LNX1: variants seen among roughly 807,000 people sequenced by gnomAD.
LNX1 encodes the protein ligand of numb-protein X 1.
A neutral mutation model predicts 68.4 loss-of-function variants in LNX1; 54 were observed. The observed-to-expected ratio is 0.79, with a 90% CI of 0.63 to 0.99. The LOEUF is 0.99. LNX1 is among the 50% of genes least tolerant of loss of function. LNX1 has a pLI of 0.00. For missense variants in LNX1, 906 were observed against 926.4 expected, an observed-to-expected ratio of 0.98 and a Z score of 0.29; for synonymous variants, 336 against 350.0, an observed-to-expected ratio of 0.96 and a Z score of 0.45.
At chr4:53,535,321 T>C (rs1728293700) in intron 2 of LNX1, among the ~76,000 whole-genome samples, 1 of 152,204 alleles carries the variant, frequency 6.6e-6, no homozygotes, top group Non-Finnish European at 1.5e-5. Flanking sequence ...AATTTTACCG[T>C]AGTCATTATC....
chr4:53,606,486 CAAA>C (rs34922679), intron 2 of LNX1, among the ~76,000 whole-genome samples: 40 of 150,706 alleles, frequency 2.7e-4, no homozygotes, highest in African/African-American at 9.3e-4. Flanking sequence ...AAAAAACAAA[CAAA>C]AAAAAAACAG....
At position 53,476,929 on chromosome 4, in the gene LNX1, A is replaced by G. The variant is rs542610113; in HGVS notation, c.1716T>C (p.Ser572=). 344 of 1,614,072 alleles carry G rather than the reference A, an allele frequency of 2.1e-4. 7 individuals carry two copies. In the South Asian group the frequency reaches 3.5e-3, roughly 16 times the overall value. ...DGVELTEVSR[S]EAVALLKRTS... ...TTCTTTTCAATAATGCCACTGCCTC[A>G]CTCCGGCTGACCTCTGTCAGTTCGA... is the stretch of plus-strand genomic sequence containing the variant. The change falls in exon 9 of 11, where the codon AGT becomes AGC. Residue 572 remains serine, a synonymous_variant. Transcript: ENST00000263925.
Position 53,507,973 on chromosome 4 carries a change from C to A in LNX1, c.622+13G>T. On this transcript the variant is annotated intron_variant, in intron 3 of 10. Transcript: ENST00000263925. The stretch of plus-strand genomic sequence containing the variant: ...AAGGAGCCCATTCCCGGACAACCAC[C>A]CATTTGACTCACCCCTAGTTCGGTT... 3 of 1,606,700 alleles carry A rather than the reference C, an allele frequency of 1.9e-6. No homozygotes were observed. The highest frequency in any genetic ancestry group is 2.6e-6 in the Non-Finnish European group (3 of 1,173,858).
At chr4:53,511,972 A>G (rs1241947865) in intron 2 of LNX1, among the ~76,000 whole-genome samples, 1 of 152,138 alleles carries the variant, frequency 6.6e-6, no homozygotes, top group Non-Finnish European at 1.5e-5. Flanking sequence ...GATCTCTCCA[A>G]CTTTCTGTAA....
At chr4:53,624,020 C>T (rs1170038593) in intron 1 of LNX1, among the ~76,000 whole-genome samples, 2 of 152,092 alleles carry the variant, frequency 1.3e-5, no homozygotes, top group African/African-American at 4.8e-5. Context: ...TTCATGTAAC[C>T]CAAGCTCTTA....
rs1731101426 is a variant in LNX1 at position 53,570,793 on chromosome 4, T to C, written c.380+2830A>G. 2.0e-5 allele frequency among the ~76,000 whole-genome samples: 3 copies of C among 151,294 alleles called. No homozygotes were observed. The South Asian group carries it at 6.2e-4, about 31-fold the overall frequency. On this transcript the variant is annotated intron_variant, in intron 2 of 10. Transcript: ENST00000263925. Reference sequence around the variant, plus strand: ...CTGTAATCCCAGCACTTTGGGAGGCTGAGGCGGGCGGATCACGAGGTCAGG... The same window carrying C: ...CTGTAATCCCAGCACTTTGGGAGGCCGAGGCGGGCGGATCACGAGGTCAGG...
chr4:53,479,345 TAG>T (rs1560618118), intron 7 of LNX1, among the ~76,000 whole-genome samples: 4 of 152,384 alleles, frequency 2.6e-5, no homozygotes, highest in Middle Eastern at 3.4e-3. Flanking sequence ...CCATATTTTA[TAG>T]AGTCTTCTTT....
intron 1 of LNX1, among the ~76,000 whole-genome samples, chr4:53,625,449 A>G (rs1208151281): frequency 6.6e-6 from 1 of 152,186 alleles, no homozygotes. Context: ...CAAAGGGTCA[A>G]TAAGCACATG....
At chr4:53,545,846 C>T (rs1246693731) in intron 2 of LNX1, among the ~76,000 whole-genome samples, 15 of 139,874 alleles carry the variant, frequency 1.1e-4, no homozygotes, top group African/African-American at 3.0e-4. Flanking sequence ...CTTACTCTGT[C>T]GCCCAGGCTG....
At chr4:53,612,340 A>G (rs1577794612) in intron 2 of LNX1, among the ~76,000 whole-genome samples, 1 of 152,356 alleles carries the variant, frequency 6.6e-6, no homozygotes, top group Non-Finnish European at 1.5e-5. Context: ...TTTAAAATAC[A>G]GACAGTCTTT....
intron 1 of LNX1, among the ~76,000 whole-genome samples, chr4:53,590,600 C>A (rs991967310): frequency 6.6e-6 from 1 of 152,154 alleles, no homozygotes; most frequent in African/African-American, 2.4e-5. Context: ...GGCAGAACAA[C>A]TTCCTCGGTA....
chr4:53,608,125 G>C (rs557918467), intron 2 of LNX1, among the ~76,000 whole-genome samples: 21 of 151,664 alleles, frequency 1.4e-4, no homozygotes, highest in Non-Finnish European at 2.4e-4. Context: ...ATGGGACCTA[G>C]TTAAACTAAT....
chr4:53,546,112 C>T (rs1003199894), intron 2 of LNX1, among the ~76,000 whole-genome samples: 1 of 152,136 alleles, frequency 6.6e-6, no homozygotes, highest in African/African-American at 2.4e-5. Flanking sequence ...GGGCCAGAGG[C>T]CACATTTTTA....
intron 2 of LNX1, chr4:53,558,179 C>T (rs760271973): frequency 1.2e-4 from 164 of 1,347,330 alleles, no homozygotes; most frequent in Middle Eastern, 2.9e-4. Flanking sequence ...GATGTAGGAA[C>T]GCAAGGAGCC....
rs1227242316 is a variant in LNX1, at chr4:53,628,487, A to G, written c.-215+23681T>C. Among the ~76,000 whole-genome samples the G allele has an allele frequency of 7.2e-5, 11 of 152,180 alleles. No individual in the cohort carries two copies. In the East Asian group the frequency reaches 2.1e-3, roughly 29 times the overall value. Reference sequence around the variant, plus strand: ...TGACCATTATTAAGAGGTCAAAAAAACAGTAGAAGCATTGTGGATGTGACA... The same window carrying G: ...TGACCATTATTAAGAGGTCAAAAAAGCAGTAGAAGCATTGTGGATGTGACA... On this transcript the variant is annotated intron_variant, in intron 1 of 2. Transcript: ENST00000507168.
At chr4:53,515,022 T>A (rs1560639162) in intron 2 of LNX1, among the ~76,000 whole-genome samples, 1 of 152,208 alleles carries the variant, frequency 6.6e-6, no homozygotes, top group Non-Finnish European at 1.5e-5. Context: ...GCAGCAATAT[T>A]TTCTATACCA....
chr4:53,498,413 ATATT>A (rs1399272709), intron 5 of LNX1, among the ~76,000 whole-genome samples: 1 of 152,130 alleles, frequency 6.6e-6, no homozygotes, highest in Admixed American at 6.5e-5. Flanking sequence ...AGACAGATAA[ATATT>A]TATATACAGA....
At chr4:53,463,829 A>G (rs960923709) in intron 9 of LNX1, among the ~76,000 whole-genome samples, 1 of 152,030 alleles carries the variant, frequency 6.6e-6, no homozygotes, top group African/African-American at 2.4e-5. Flanking sequence ...TTTTTTCTAA[A>G]TTTTTATATT....
chr4:53,596,772 T>A (rs1041384740), intron 2 of LNX1, among the ~76,000 whole-genome samples: 3 of 152,136 alleles, frequency 2.0e-5, no homozygotes, highest in Non-Finnish European at 4.4e-5. Context: ...CCCTCCAGCA[T>A]CCCTGACTTC....
Sources: gnomAD v4.1 joint callset for allele counts (sites outside exome capture counted in the v4.1 genomes callset) on GRCh38, gnomAD v4.1.1 for gene constraint, MANE v1.5 for transcripts, NCBI Gene and HGNC (gene_info 2026-07-23, HGNC 2026-07-21) for gene names.